Variants in TEX9 observed in about 807,000 individuals in gnomAD.
TEX9 encodes testis expressed 9, also known as testis-expressed protein 9.
A neutral mutation model predicts 59.6 loss-of-function variants in TEX9; 74 were observed. The ratio of observed to expected loss-of-function variants is 1.24; its 90% CI spans 1.03 to 1.51. The LOEUF (loss-of-function observed/expected upper bound fraction) is 1.51. TEX9 is among the 40% of genes most tolerant of loss of function. The pLI is 0.00. For missense variants in TEX9, 522 were observed against 447.8 expected (o/e 1.17, Z -1.49); for synonymous variants, 186 against 152.2 (o/e 1.22, Z -1.64).
At chr15:56,345,350 G>A (rs1169677942) in intron 1 of TEX9, among the ~76,000 whole-genome samples, 1 of 152,026 alleles carries the variant, frequency 6.6e-6, no homozygotes, top group African/African-American at 2.4e-5. Flanking sequence ...AGAGGGGAAG[G>A]TTAAAAGGCA....
chr15:56,450,391 G>C (rs750768888), downstream of TEX9, among the ~76,000 whole-genome samples: 2 of 152,014 alleles, frequency 1.3e-5, no homozygotes, highest in Non-Finnish European at 2.9e-5. Flanking sequence ...AAAGAGAAAT[G>C]CTGCACCTCT....
chr15:56,344,581 G>A (rs547095594), intron 1 of TEX9, among the ~76,000 whole-genome samples: 3 of 152,182 alleles, frequency 2.0e-5, no homozygotes, highest in Non-Finnish European at 4.4e-5. Flanking sequence ...TTCTAAAATT[G>A]ATTGTGGTGA....
chr15:56,317,168 C>T (rs905086611), intron 1 of TEX9, among the ~76,000 whole-genome samples: 4 of 152,208 alleles, frequency 2.6e-5, no homozygotes, highest in African/African-American at 9.7e-5. Context: ...GCCATCTTGG[C>T]TCCTCCCCCC....
At chr15:56,444,301 C>T in intron 12 of TEX9, 2 of 639,328 alleles carry the variant, frequency 3.1e-6, no homozygotes, top group Middle Eastern at 4.3e-4. Flanking sequence ...GGAGTTGGTC[C>T]CAATTTATGT....
At chr15:56,400,171 A>T (rs187565066) in intron 9 of TEX9, among the ~76,000 whole-genome samples, 8 of 152,320 alleles carry the variant, frequency 5.3e-5, no homozygotes, top group African/African-American at 1.4e-4. Context: ...GAAAGTCAGT[A>T]ATAAACTTCT....
chr15:56,316,288 A>G (rs1295013220), intron 1 of TEX9, among the ~76,000 whole-genome samples: 5 of 151,566 alleles, frequency 3.3e-5, no homozygotes, highest in Admixed American at 2.6e-4. Flanking sequence ...GGTTTTATCT[A>G]CTTTTCGTCT....
At chr15:56,442,778 A>C (rs936074266) in intron 12 of TEX9, among the ~76,000 whole-genome samples, 1 of 152,088 alleles carries the variant, frequency 6.6e-6, no homozygotes, top group Non-Finnish European at 1.5e-5. Context: ...TAAACTACCT[A>C]TCGAGTACTA....
chr15:56,258,763 A>G (rs1596047095), intron 1 of TEX9, among the ~76,000 whole-genome samples: 3 of 151,876 alleles, frequency 2.0e-5, no homozygotes, highest in African/African-American at 7.2e-5. Context: ...TTATATTCAT[A>G]TTGATAGTCT....
intron 9 of TEX9, among the ~76,000 whole-genome samples, chr15:56,411,320 A>C (rs1596208746): frequency 6.6e-6 from 1 of 152,300 alleles, no homozygotes; most frequent in East Asian, 1.9e-4. Context: ...CTTAAACTAT[A>C]GTGGGGGAAA....
chr15:56,460,009 A>AAT, the TEX9 span, among the ~76,000 whole-genome samples: 1 of 26,406 alleles, frequency 3.8e-5, no homozygotes, highest in Non-Finnish European at 7.0e-5. Flanking sequence ...AAAAAAAAAA[A>AAT]ATACATATAT....
intron 10 of TEX9, among the ~76,000 whole-genome samples, chr15:56,422,695 T>G (rs2050041600): frequency 6.6e-6 from 1 of 151,980 alleles, no homozygotes; most frequent in Non-Finnish European, 1.5e-5. Context: ...CTTAAACATT[T>G]TAAGCATATA....
At chr15:56,294,237 G>A (rs2045166362) in intron 1 of TEX9, among the ~76,000 whole-genome samples, 1 of 152,168 alleles carries the variant, frequency 6.6e-6, no homozygotes, top group African/African-American at 2.4e-5. Context: ...TCTAAGACCC[G>A]TTATCTGCCC....
intron 9 of TEX9, chr15:56,408,542 G>A (rs1288636437): frequency 6.6e-6 from 1 of 151,986 alleles, no homozygotes; most frequent in Non-Finnish European, 1.5e-5. Flanking sequence ...TTTGTGTCTT[G>A]CCCTTACCTC....
intron 1 of TEX9, among the ~76,000 whole-genome samples, chr15:56,296,371 G>A (rs1195735111): frequency 6.6e-6 from 1 of 151,928 alleles, no homozygotes; most frequent in Non-Finnish European, 1.5e-5. Flanking sequence ...TCTTTAATTA[G>A]TATCATTTTG....
At chr15:56,315,671 G>T (rs1400266887) in intron 1 of TEX9, among the ~76,000 whole-genome samples, 1 of 143,646 alleles carries the variant, frequency 7.0e-6, no homozygotes, top group African/African-American at 2.5e-5. Flanking sequence ...GGCGTTCTCT[G>T]TATTTCCTGA....
At chr15:56,431,562 A>G in intron 12 of TEX9, 1 of 1,538,314 alleles carries the variant, frequency 6.5e-7, no homozygotes, top group Non-Finnish European at 8.9e-7. Flanking sequence ...GTTTTCAAAT[A>G]AAACTACTCA....
chr15:56,318,517 T>C (rs755012516), intron 1 of TEX9, among the ~76,000 whole-genome samples: 31 of 152,240 alleles, frequency 2.0e-4, no homozygotes, highest in South Asian at 6.2e-4. Context: ...TTAGTTTACA[T>C]TTAATAAAAT....
intron 12 of TEX9, among the ~76,000 whole-genome samples, chr15:56,445,508 G>A (rs959787285): frequency 1.3e-5 from 2 of 151,982 alleles, no homozygotes; most frequent in African/African-American, 4.8e-5. Context: ...TGACGTCACT[G>A]AAGCCTTTAA....
chr15:56,378,571 C>T (rs1355297536), intron 3 of TEX9, among the ~76,000 whole-genome samples: 4 of 151,598 alleles, frequency 2.6e-5, no homozygotes, highest in African/African-American at 9.7e-5. Context: ...TGTAATGCCT[C>T]CTTTTTAATT....
Sources: gnomAD v4.1 joint callset for allele counts (sites outside exome capture counted in the v4.1 genomes callset) on GRCh38, gnomAD v4.1.1 for gene constraint, MANE v1.5 for transcripts, NCBI Gene and HGNC (gene_info 2026-07-23, HGNC 2026-07-21) for gene names.